ANK1: variants seen among roughly 807,000 people sequenced by gnomAD.
The protein encoded by ANK1 is ankyrin-1.
ANK1 carries 51 observed loss-of-function variants against 210.4 expected under a neutral mutation model. The observed-to-expected ratio is 0.24, with a 90% CI of 0.19 to 0.31. ANK1 has a LOEUF of 0.31. Among genes scored for constraint, ANK1 ranks in the 10% least tolerant of loss-of-function variants. ANK1 has a pLI of 1.00. For synonymous variants in ANK1, 967 were observed against 1,025.9 expected (o/e 0.94, Z 1.10); for missense variants, 2,051 against 2,504.4 (o/e 0.82, Z 3.86).
At position 41,694,020 on chromosome 8, in the gene ANK1, C is replaced by T. The variant is rs537816993; in HGVS notation, c.3410G>A (p.Arg1137Gln). The change falls in exon 29 of 43, where the codon CGG becomes CAG. Residue 1137 changes from arginine to glutamine, a missense_variant. Coordinates refer to ENST00000289734, the MANE Select transcript of ANK1 (RefSeq NM_000037.4). The surrounding 1 kb of genome is among the most constrained non-coding windows in gnomAD (Gnocchi z 5.7). The stretch of plus-strand genomic sequence containing the variant: ...AATGGGGCGGTGGAACTTCCGGCGC[C>T]GGGGCTCCACGGTGACAATGGGGCT... ...TFSPIVTVEP[R>Q]RRKFHRPIGL... The T allele has an allele frequency of 5.6e-6, 9 of 1,613,980 alleles. No individual in the cohort carries two copies. The highest frequency in any genetic ancestry group is 2.2e-5 in the South Asian group (2 of 91,046).
intron 1 of ANK1, among the ~76,000 whole-genome samples, chr8:41,762,045 T>G (rs1370023020): frequency 6.6e-6 from 1 of 152,198 alleles, no homozygotes; most frequent in Non-Finnish European, 1.5e-5. Flanking sequence ...AGGTCCCACA[T>G]GGGCCCCCTA....
chr8:41,830,384 C>T (rs7815239), intron 1 of ANK1, among the ~76,000 whole-genome samples: 2,308 of 151,320 alleles, frequency 0.015, 67 homozygotes, highest in African/African-American at 0.054. Context: ...AAAGAGGAAA[C>T]TATTTTTAAG....
upstream of ANK1, among the ~76,000 whole-genome samples, chr8:41,798,506 C>T (rs1441634465): frequency 3.3e-5 from 5 of 152,228 alleles, no homozygotes; most frequent in African/African-American, 1.2e-4. Context: ...CCAGGCCAAG[C>T]TCCTGCAGGC....
intron 1 of ANK1, among the ~76,000 whole-genome samples, chr8:41,849,632 C>T (rs986815852): frequency 2.0e-5 from 3 of 152,220 alleles, no homozygotes; most frequent in Non-Finnish European, 2.9e-5. Context: ...ATGATCCCCT[C>T]GGATCCCACC....
In ANK1 at chr8:41,688,582, C is replaced by A; in HGVS notation, c.4112G>T (p.Gly1371Val). 6.2e-7 allele frequency: 1 copy of A among 1,614,140 alleles called. No individual in the cohort carries two copies. The highest frequency in any genetic ancestry group is 8.5e-7 in the Non-Finnish European group (1 of 1,179,990). Reference protein sequence around the residue: ...ITMPPCAKGSGAEDRRRTPTP... With the variant: ...ITMPPCAKGSVAEDRRRTPTP... ...CGGGGTCCTTCTCCTATCTTCGGCT[C>A]CACTTCCCTGCAGAAGAAGAAAGGG... The change falls in exon 34 of 43, where the codon GGA (glycine) becomes GTA (valine). Residue 1371 changes from glycine to valine, a missense_variant. Around this residue, in one of 6 missense-constraint regions of ANK1, gnomAD observed 1,413 missense variants for 1,707.4 expected, o/e 0.83. Coordinates refer to ENST00000289734, the MANE Select transcript of ANK1 (RefSeq NM_000037.4).
chr8:41,695,762 C>T (rs112994094), intron 26 of ANK1, among the ~76,000 whole-genome samples: 3,273 of 152,352 alleles, frequency 0.021, 110 homozygotes, highest in African/African-American at 0.071. Context: ...GTGGTGACCG[C>T]TCTGAGGGGC....
intron 7 of ANK1, 22 bp downstream of exon 7, chr8:41,724,434 G>A: frequency 1.9e-6 from 3 of 1,546,906 alleles, no homozygotes; most frequent in Non-Finnish European, 2.6e-6. Context: ...GGACAGTGAG[G>A]GCGCACGTGC....
rs371855809 is a variant in ANK1 at position 41,696,729 on chromosome 8, C to T, written c.2682G>A (p.Pro894=). Residue 894 remains proline, a synonymous_variant, in exon 25 of 43, where the codon CCG becomes CCA. Transcript: ENST00000289734. ...YDEDSLIPSS[P]ATETSDNISP... ...TGATGTTGTCTGAGGTCTCGGTGGCCGGGCTGCTGGGGATGAGGGAGTCCT... is the reference window on the plus strand; with the variant it reads ...TGATGTTGTCTGAGGTCTCGGTGGCTGGGCTGCTGGGGATGAGGGAGTCCT... 9.0e-5 allele frequency: 144 copies of T among 1,601,900 alleles called. No homozygotes were observed. Among genetic ancestry groups the T allele is most frequent in the Non-Finnish European group, 1.0e-4 (120 of 1,179,870 alleles).
chr8:41,862,032 T>C (rs1438896381), intron 1 of ANK1, among the ~76,000 whole-genome samples: 1 of 152,194 alleles, frequency 6.6e-6, no homozygotes, highest in African/African-American at 2.4e-5. Context: ...CAGGCCCTGC[T>C]CAGACGGGGT....
chr8:41,667,203 T>G (rs1438896040), intron 39 of ANK1, among the ~76,000 whole-genome samples: 1 of 152,138 alleles, frequency 6.6e-6, no homozygotes, highest in Non-Finnish European at 1.5e-5. Flanking sequence ...GCATTCTAAA[T>G]AAAACCTGAC....
At chr8:41,798,605 C>A (rs1472396077), upstream of ANK1, among the ~76,000 whole-genome samples, 1 of 152,242 alleles carries the variant, frequency 6.6e-6, no homozygotes, top group Non-Finnish European at 1.5e-5. Context: ...TCAGTGAGAA[C>A]ACCATATCCT....
At chr8:41,850,761 C>T (rs1431128753) in intron 1 of ANK1, among the ~76,000 whole-genome samples, 1 of 152,236 alleles carries the variant, frequency 6.6e-6, no homozygotes, top group Non-Finnish European at 1.5e-5. Flanking sequence ...GGATTACAAG[C>T]ATGAGCTACC....
intron 11 of ANK1, 146 bp from the exon 12 acceptor site, chr8:41,717,848 T>C (rs1273540737): frequency 1.1e-6 from 1 of 945,768 alleles, no homozygotes; most frequent in Non-Finnish European, 1.6e-6. Flanking sequence ...AAGAAAATGG[T>C]TGGAGAAAAA....
At chr8:41,886,606 AC>A (rs1211190514) in intron 1 of ANK1, among the ~76,000 whole-genome samples, 1 of 152,214 alleles carries the variant, frequency 6.6e-6, no homozygotes, top group Non-Finnish European at 1.5e-5. Context: ...CTGCGTTCTG[AC>A]GGAGGACTTG....
rs556466795 is a variant in ANK1 at position 41,728,142 on chromosome 8, C to A, written c.229-136G>T. 5 of 717,108 alleles carry A rather than the reference C, an allele frequency of 7.0e-6. No homozygotes were observed. The East Asian group carries it at 1.3e-4, about 19-fold the overall frequency. The allele number at this position is 717,108 out of a possible 1,614,324, so 44.4% of individuals were successfully genotyped here. A position where few individuals can be genotyped will look rare whatever the true frequency, so the allele number is the denominator to read the frequency against. ...GGCCAAAAGGGGTAGAAAGGACACA[C>A]GTGTGTGCTTGACCCATTGCACATC... On this transcript the variant is annotated intron_variant, in intron 3 of 42. Transcript: ENST00000289734.
At chr8:41,662,769 A>T (rs2150546024) in intron 40 of ANK1, among the ~76,000 whole-genome samples, 1 of 152,160 alleles carries the variant, frequency 6.6e-6, no homozygotes, top group Non-Finnish European at 1.5e-5. Context: ...GGGTGATGAG[A>T]GCTGCGCCTA....
At chr8:41,801,970 T>A (rs930177081), upstream of ANK1, among the ~76,000 whole-genome samples, 1 of 152,208 alleles carries the variant, frequency 6.6e-6, no homozygotes, top group Non-Finnish European at 1.5e-5. Context: ...ATTTATTTTA[T>A]AGGGTTTTTG....
At chr8:41,776,262 T>C (rs1425473502) in intron 1 of ANK1, among the ~76,000 whole-genome samples, 2 of 152,180 alleles carry the variant, frequency 1.3e-5, no homozygotes, top group African/African-American at 4.8e-5. Flanking sequence ...CCATTCTCTC[T>C]ATTCAGAAAA....
intron 1 of ANK1, among the ~76,000 whole-genome samples, chr8:41,878,057 G>T (rs1816909706): frequency 6.6e-6 from 1 of 152,240 alleles, no homozygotes; most frequent in Admixed American, 6.5e-5. Flanking sequence ...GCATGTGCAT[G>T]AACATTCTGG....
Sources: gnomAD v4.1 joint callset for allele counts (sites outside exome capture counted in the v4.1 genomes callset) on GRCh38, gnomAD v4.1.1 for gene constraint, gnomAD v4.1.1 regional missense constraint, Gnocchi (gnomAD v3.1) non-coding constraint, MANE v1.5 for transcripts, NCBI Gene and HGNC (gene_info 2026-07-23, HGNC 2026-07-21) for gene names.